ANK3: variants seen among roughly 807,000 people sequenced by gnomAD.
The protein encoded by ANK3 is ankyrin-3.
Under a neutral mutation model 370.9 loss-of-function variants are expected in ANK3, and 57 were observed. That is an observed-to-expected ratio of 0.15 (90% confidence interval 0.12 to 0.19). ANK3 has a LOEUF of 0.19. Ranked by LOEUF, ANK3 falls within the 10% of genes least tolerant of loss-of-function variation. The pLI is 1.00. For missense variants in ANK3, 4,439 were observed against 5,302.1 expected (o/e 0.84, Z 5.06); for synonymous variants, 1,929 against 1,946.3 (o/e 0.99, Z 0.23).
chr10:60,037,157 A>AAC (rs2075197758), intron 43 of ANK3, among the ~76,000 whole-genome samples: 3 of 152,254 alleles, frequency 2.0e-5, no homozygotes, highest in African/African-American at 7.2e-5. Context: ...AGCCACCATT[A>AAC]TGGCTTAGTT....
chr10:60,724,356 G>T (rs1168948392), intron 1 of ANK3, among the ~76,000 whole-genome samples: 1 of 151,674 alleles, frequency 6.6e-6, no homozygotes, highest in Non-Finnish European at 1.5e-5. Flanking sequence ...ACTACAAAAA[G>T]GTGATCTATT....
At chr10:60,119,314 G>A (rs908708288) in intron 25 of ANK3, among the ~76,000 whole-genome samples, 3 of 152,170 alleles carry the variant, frequency 2.0e-5, no homozygotes, top group Admixed American at 6.5e-5. Flanking sequence ...ACCTGTCTGC[G>A]AAGACTTACT....
intron 1 of ANK3, among the ~76,000 whole-genome samples, chr10:60,633,999 C>T (rs1348278042): frequency 6.6e-6 from 1 of 152,148 alleles, no homozygotes; most frequent in Non-Finnish European, 1.5e-5. Context: ...CTTGTGTAAA[C>T]TCCAATACTT....
intron 2 of ANK3, among the ~76,000 whole-genome samples, chr10:60,549,715 A>G (rs1328995441): frequency 6.6e-6 from 1 of 152,202 alleles, no homozygotes; most frequent in Admixed American, 6.5e-5. Context: ...ATTGTTTTAT[A>G]TCAAATCCAA....
chr10:60,654,575 T>C (rs1346936848), intron 1 of ANK3, among the ~76,000 whole-genome samples: 1 of 152,202 alleles, frequency 6.6e-6, no homozygotes, highest in Non-Finnish European at 1.5e-5. Flanking sequence ...TCCTGTACAT[T>C]ATTGCTATGG....
At position 60,082,150 on chromosome 10, in the gene ANK3, C is replaced by T; in HGVS notation, c.4350G>A (p.Glu1450=). 6.2e-7 allele frequency: 1 copy of T among 1,609,412 alleles called. No individual in the cohort carries two copies. The highest frequency in any genetic ancestry group is 1.1e-5 in the South Asian group (1 of 90,674). The change falls in exon 35 of 44, where the codon GAG becomes GAA. Residue 1450 remains glutamate (E), a splice_region_variant and synonymous_variant. Coordinates refer to ENST00000280772, the MANE Select transcript of ANK3 (RefSeq NM_020987.5). ...ATAAAAGCAGAAGTGTTTATATTAC[C>T]TCATCATCTTGATCTGACTCTGTCT... ...KKETESDQDD[E]IEKTDRRQSF...
chr10:60,130,363 A>T (rs2132170302), intron 25 of ANK3, among the ~76,000 whole-genome samples: 1 of 152,048 alleles, frequency 6.6e-6, no homozygotes. Flanking sequence ...GATAATAAAG[A>T]GGCAACTGTA....
chr10:60,209,764 G>A (rs1329488177), intron 9 of ANK3, among the ~76,000 whole-genome samples: 1 of 152,050 alleles, frequency 6.6e-6, no homozygotes, highest in Non-Finnish European at 1.5e-5. Flanking sequence ...CAGTCTTAGA[G>A]GAAAACATGA....
At chr10:60,693,597 C>G (rs986022471) in intron 1 of ANK3, among the ~76,000 whole-genome samples, 2 of 152,172 alleles carry the variant, frequency 1.3e-5, no homozygotes, top group African/African-American at 2.4e-5. Context: ...TGACCCCTGA[C>G]CCCCAAGCAG....
At chr10:60,348,370 A>AC (rs2056148967) in intron 1 of ANK3, among the ~76,000 whole-genome samples, 3 of 51,140 alleles carry the variant, frequency 5.9e-5, no homozygotes, top group African/African-American at 1.1e-4. Flanking sequence ...AAAAAAAAAA[A>AC]CACAAAAAAC....
At chr10:60,264,483 TA>T (rs1463643118) in intron 5 of ANK3, among the ~76,000 whole-genome samples, 1 of 151,844 alleles carries the variant, frequency 6.6e-6, no homozygotes, top group East Asian at 1.9e-4. Flanking sequence ...CCGTCTCTAC[TA>T]AAAATACAAA....
chr10:60,453,870 A>G (rs201024099), intron 2 of ANK3, among the ~76,000 whole-genome samples: 1 of 152,206 alleles, frequency 6.6e-6, no homozygotes, highest in Non-Finnish European at 1.5e-5. Flanking sequence ...TATTCCCATT[A>G]TAACTCCCAT....
chr10:60,206,650 A>G (rs1386615464), intron 10 of ANK3, among the ~76,000 whole-genome samples: 1 of 152,202 alleles, frequency 6.6e-6, no homozygotes, highest in Non-Finnish European at 1.5e-5. Context: ...TTTCTTCTCT[A>G]GCTTTATGCT....
intron 2 of ANK3, among the ~76,000 whole-genome samples, chr10:60,431,520 C>T (rs1243897360): frequency 6.6e-6 from 1 of 152,000 alleles, no homozygotes; most frequent in Non-Finnish European, 1.5e-5. Context: ...ATAAGGACCC[C>T]CGAAGTAAAG....
chr10:60,601,760 T>TGTGTCATGGTAATAGAAGATGTTTACAA, intron 2 of ANK3, among the ~76,000 whole-genome samples: 2 of 152,258 alleles, frequency 1.3e-5, no homozygotes, highest in South Asian at 4.1e-4. Flanking sequence ...TTTTGATAAA[T>TGTGTCATGGTAATAGAAGATGTTTACAA]GTGTCATGGT....
At position 60,583,511 on chromosome 10, in the gene ANK3, G is replaced by GTTTTTTTTTTT. The variant is rs750384975; in HGVS notation, c.96+31674_96+31675insAAAAAAAAAAA. ...CATATAGCTTACAGAGAGGTTTTTT[G>GTTTTTTTTTTT]TTTTTTGTTTTTTGTTTTTTTTTGA... On this transcript the variant is annotated intron_variant, in intron 2 of 43. Coordinates refer to the ANK3 transcript ENST00000373827. Among the ~76,000 whole-genome samples the GTTTTTTTTTTT allele has an allele frequency of 2.0e-5, 2 of 100,078 alleles. 1 individual carries two copies. Among genetic ancestry groups the GTTTTTTTTTTT allele is most frequent in the Non-Finnish European group, 4.4e-5 (2 of 45,924 alleles). The allele number at this position is 100,078 out of a possible 152,430, so 65.7% of individuals were successfully genotyped here. A position where few individuals can be genotyped will look rare whatever the true frequency, so the allele number is the denominator to read the frequency against.
At position 60,106,064 on chromosome 10, in the gene ANK3, A is replaced by G. The variant is rs751936380; in HGVS notation, c.3174-5T>C. 6.3e-7 allele frequency: 1 copy of G among 1,593,820 alleles called. No homozygotes were observed. Among genetic ancestry groups the G allele is most frequent in the Non-Finnish European group, 8.5e-7 (1 of 1,172,916 alleles). ...GGGATTTCCACTATGACAGGGCTGG[A>G]AAAAAAATCCACATTATTTTGGTAT... is the stretch of plus-strand genomic sequence containing the variant. On this transcript the variant is annotated splice_region_variant and splice_polypyrimidine_tract_variant and intron_variant, in intron 27 of 43. Transcript: ENST00000280772.
chr10:60,444,444 G>GTGTGTATA (rs386361850), intron 2 of ANK3, among the ~76,000 whole-genome samples: 42 of 148,822 alleles, frequency 2.8e-4, no homozygotes, highest in African/African-American at 9.9e-4. Context: ...GTGTGTGTGT[G>GTGTGTATA]TATATATATA....
intron 1 of ANK3, among the ~76,000 whole-genome samples, chr10:60,627,435 A>G (rs763975004): frequency 2.0e-5 from 3 of 151,750 alleles, no homozygotes; most frequent in Non-Finnish European, 4.4e-5. Flanking sequence ...AAAAAAAGGC[A>G]TCTGTATTCT....
Sources: allele counts gnomAD v4.1 joint callset (sites outside exome capture counted in the v4.1 genomes callset), GRCh38; gene constraint gnomAD v4.1.1; transcripts MANE v1.5; gene names NCBI Gene and HGNC (gene_info 2026-07-23, HGNC 2026-07-21).